TASP1: variants seen among roughly 807,000 people sequenced by gnomAD.
TASP1 encodes the protein threonine aspartase 1.
A neutral mutation model predicts 56.6 loss-of-function variants in TASP1; 16 were observed. The observed-to-expected ratio is 0.28, with a 90% CI of 0.19 to 0.43. TASP1 has a LOEUF of 0.43. TASP1 is among the 20% of genes least tolerant of loss of function. TASP1 has a pLI of 1.00. For missense variants in TASP1, 393 were observed against 511.6 expected, an observed-to-expected ratio of 0.77 and a Z score of 2.24; for synonymous variants, 179 against 184.2, an observed-to-expected ratio of 0.97 and a Z score of 0.23.
chr20:13,264,308 T>G, the TASP1 span, among the ~76,000 whole-genome samples: 4 of 152,192 alleles, frequency 2.6e-5, no homozygotes, highest in African/African-American at 9.7e-5. Context: ...CAGCCACAAT[T>G]TGTTACTGAT....
intron 4 of TASP1, among the ~76,000 whole-genome samples, chr20:13,605,348 G>A (rs1172141894): frequency 3.3e-5 from 5 of 152,042 alleles, no homozygotes; most frequent in Non-Finnish European, 7.4e-5. Flanking sequence ...CTCCAATAAA[G>A]CTGACAAAAA....
At chr20:13,189,998 C>A in the TASP1 span, among the ~76,000 whole-genome samples, 4 of 152,102 alleles carry the variant, frequency 2.6e-5, no homozygotes, top group Non-Finnish European at 5.9e-5. Flanking sequence ...ATGTGCTTTG[C>A]AACAACATGG....
intron 13 of TASP1, among the ~76,000 whole-genome samples, chr20:13,412,810 T>C (rs2123721765): frequency 6.6e-6 from 1 of 152,290 alleles, no homozygotes; most frequent in South Asian, 2.1e-4. Flanking sequence ...GTTTATGTAA[T>C]CTGGAATGTT....
chr20:13,208,518 A>G, the TASP1 span, among the ~76,000 whole-genome samples: 4 of 152,190 alleles, frequency 2.6e-5, no homozygotes, highest in African/African-American at 9.7e-5. Context: ...ACCCTCTGCA[A>G]TGCACCTGTA....
the TASP1 span, among the ~76,000 whole-genome samples, chr20:13,383,052 A>C: frequency 0.097 from 14,805 of 152,062 alleles, 837 homozygotes; most frequent in African/African-American, 0.15. Context: ...TGCTTCTGAG[A>C]TGGGAGGGTG....
At chr20:13,578,128 T>C (rs541463068) in intron 6 of TASP1, among the ~76,000 whole-genome samples, 10 of 152,310 alleles carry the variant, frequency 6.6e-5, no homozygotes, top group Non-Finnish European at 1.5e-4. Flanking sequence ...GAAGAATCTA[T>C]TTTTCTGCAC....
chr20:13,493,140 G>GA (rs142963378), intron 10 of TASP1, among the ~76,000 whole-genome samples: 163 of 151,872 alleles, frequency 1.1e-3, no homozygotes, highest in Non-Finnish European at 2.0e-3. Flanking sequence ...AAACCTTTTT[G>GA]AAAAAAACTA....
At chr20:13,294,206 A>G in the TASP1 span, among the ~76,000 whole-genome samples, 12 of 152,196 alleles carry the variant, frequency 7.9e-5, no homozygotes, top group Non-Finnish European at 1.6e-4. Context: ...AATGCTTGAT[A>G]GAAATTTATT....
chr20:13,229,385 T>G, the TASP1 span, among the ~76,000 whole-genome samples: 2 of 152,204 alleles, frequency 1.3e-5, no homozygotes, highest in Non-Finnish European at 2.9e-5. Flanking sequence ...TAGATTAGTT[T>G]TGCCTGTTCC....
intron 13 of TASP1, among the ~76,000 whole-genome samples, chr20:13,395,728 G>A (rs1255941523): frequency 6.9e-6 from 1 of 145,194 alleles, no homozygotes; most frequent in African/African-American, 2.6e-5. Flanking sequence ...TTGAGACGCA[G>A]TCTCACTCTG....
rs765683839 is a variant in TASP1, at chr20:13,614,729, A to G, written c.282+8717T>C. 1.3e-5 allele frequency: 6 copies of G among 453,562 alleles called. No homozygotes were observed. In the East Asian group the frequency reaches 2.1e-4, roughly 16 times the overall value. The allele number at this position is 453,562 out of a possible 1,614,324, so 28.1% of individuals were successfully genotyped here. A position where few individuals can be genotyped will look rare whatever the true frequency, so the allele number is the denominator to read the frequency against. On this transcript the variant is annotated intron_variant, in intron 4 of 13. Transcript: ENST00000337743. ...TACAGTACAGTTACTTGTCAAAAAC[A>G]TAACACAAATCTCTAAAATAGAATA...
intron 8 of TASP1, among the ~76,000 whole-genome samples, chr20:13,545,683 C>A (rs1322978630): frequency 1.3e-5 from 2 of 151,966 alleles, no homozygotes; most frequent in Non-Finnish European, 2.9e-5. Flanking sequence ...ACACACATGG[C>A]CAGTCAGCCC....
intron 4 of TASP1, among the ~76,000 whole-genome samples, chr20:13,596,825 A>G (rs955702036): frequency 2.6e-5 from 4 of 152,194 alleles, no homozygotes; most frequent in Non-Finnish European, 5.9e-5. Context: ...AATCAAATAG[A>G]TGCAATAAAA....
At position 13,463,103 on chromosome 20, in the gene TASP1, C is replaced by T. The variant is rs1159208629; in HGVS notation, c.985+20124G>A. On this transcript the variant is annotated intron_variant, in intron 11 of 13. Transcript: ENST00000337743. ...GAACAAAATTGGAGGCTTCACACTT[C>T]CTGATTTCAAAACTTAGTATGATGC... is the stretch of plus-strand genomic sequence containing the variant. Among the ~76,000 whole-genome samples, 3 of 152,070 alleles carry T rather than the reference C, an allele frequency of 2.0e-5. No homozygotes were observed. In the East Asian group the frequency reaches 5.8e-4, roughly 29 times the overall value.
At chr20:13,134,658 A>G in the TASP1 span, among the ~76,000 whole-genome samples, 1 of 152,180 alleles carries the variant, frequency 6.6e-6, no homozygotes, top group Admixed American at 6.5e-5. Context: ...AAATTTGATA[A>G]CCATGTTTCT....
intron 11 of TASP1, among the ~76,000 whole-genome samples, chr20:13,464,098 G>A (rs6109897): frequency 0.017 from 2,548 of 152,164 alleles, 74 homozygotes; most frequent in African/African-American, 0.056. Flanking sequence ...TATTCACAAC[G>A]GCCACAGGCT....
chr20:13,427,022 TTGA>T (rs1568785072), intron 12 of TASP1, among the ~76,000 whole-genome samples: 1 of 152,186 alleles, frequency 6.6e-6, no homozygotes, highest in Non-Finnish European at 1.5e-5. Context: ...TGTGTTCTCT[TTGA>T]TGGTTATGTT....
At chr20:13,625,736 C>G (rs929389093) in intron 2 of TASP1, among the ~76,000 whole-genome samples, 24 of 152,176 alleles carry the variant, frequency 1.6e-4, no homozygotes, top group African/African-American at 5.6e-4. Flanking sequence ...TCTTACATCT[C>G]GCATGTCCAC....
chr20:13,343,648 T>C, the TASP1 span, among the ~76,000 whole-genome samples: 1 of 134,034 alleles, frequency 7.5e-6, no homozygotes, highest in Non-Finnish European at 1.5e-5. Context: ...GATGTGAAGA[T>C]GGCCCACCCG....
Sources: allele counts gnomAD v4.1 joint callset (sites outside exome capture counted in the v4.1 genomes callset), GRCh38; gene constraint gnomAD v4.1.1; transcripts MANE v1.5; gene names NCBI Gene and HGNC (gene_info 2026-07-23, HGNC 2026-07-21).